PCDHGA7: variants seen among roughly 807,000 people sequenced by gnomAD.
PCDHGA7 encodes the protein protocadherin gamma-A7.
In PCDHGA7, 44 loss-of-function variants were observed where a neutral mutation model predicts 58.3. The ratio of observed to expected loss-of-function variants is 0.75; its 90% CI spans 0.59 to 0.97. The LOEUF is 0.97. Ranked by LOEUF, PCDHGA7 falls within the 50% of genes least tolerant of loss-of-function variation. The pLI, the probability that PCDHGA7 is intolerant of heterozygous loss-of-function variation, is 0.00. For synonymous variants in PCDHGA7, 516 were observed against 504.2 expected (o/e 1.02, Z -0.31); for missense variants, 1,266 against 1,188.7 (o/e 1.06, Z -0.96).
chr5:141,494,639 C>T, intron 1 of PCDHGA7, 168 bp from the exon 2 acceptor site: 1 of 901,070 alleles, frequency 1.1e-6, no homozygotes, highest in Non-Finnish European at 1.3e-6. Flanking sequence ...ACCTCTGAGA[C>T]CTGAGGTGTA....
rs1184232947 is a variant in PCDHGA7 at position 141,487,060 on chromosome 5, G to T, written c.2425-7747G>T. ...TCTCTCGATATGCTGGGGAGGTGCG[G>T]ACGGCTGTTCCTATCCCAGCTGACC... On this transcript the variant is annotated intron_variant, in intron 1 of 3. Transcript: ENST00000518325. This position sits in a 1 kb window ranked among gnomAD's most constrained non-coding sequence, Gnocchi z 5.0. The T allele has an allele frequency of 1.9e-6, 3 of 1,614,182 alleles. No individual in the cohort carries two copies. In the East Asian group the frequency reaches 6.7e-5, roughly 36 times the overall value.
chr5:141,478,164 C>A (rs202185809), intron 1 of PCDHGA7: 2 of 1,614,010 alleles, frequency 1.2e-6, no homozygotes, highest in African/African-American at 1.3e-5. Context: ...GGCTCTGCCC[C>A]CCGGGAGCAG....
intron 1 of PCDHGA7, among the ~76,000 whole-genome samples, chr5:141,460,646 C>T (rs1001365023): frequency 2.0e-5 from 3 of 151,954 alleles, no homozygotes; most frequent in African/African-American, 7.3e-5. Context: ...ACTGTGTTTA[C>T]ACATATGTAA....
chr5:141,432,288 A>C lies in PCDHGA7; in HGVS notation c.2424+46965A>C. ...TCGTCCTACGTGTCCATCAACTCCG[A>C]CACTGGGGTACTGTATGCGCTGAGC... On this transcript the variant is annotated intron_variant, in intron 1 of 3. Coordinates refer to ENST00000518325, the MANE Select transcript of PCDHGA7 (RefSeq NM_018920.4). This position sits in a 1 kb window ranked among gnomAD's most constrained non-coding sequence, Gnocchi z 6.0. 1 of 1,614,192 alleles carries C rather than the reference A, an allele frequency of 6.2e-7. No individual in the cohort carries two copies. Among genetic ancestry groups the C allele is most frequent in the Non-Finnish European group, 8.5e-7 (1 of 1,180,018 alleles).
chr5:141,432,126 C>T lies in PCDHGA7; in HGVS notation c.2424+46803C>T. ...AACCCGCCGGTCTTCCCTCAGGCCTCCTATTCCGCTTATATCCCAGAGAAC... is the reference window on the plus strand; with the variant it reads ...AACCCGCCGGTCTTCCCTCAGGCCTTCTATTCCGCTTATATCCCAGAGAAC... On this transcript the variant is annotated intron_variant, in intron 1 of 3. Coordinates refer to ENST00000518325, the MANE Select transcript of PCDHGA7 (RefSeq NM_018920.4). This position sits in a 1 kb window ranked among gnomAD's most constrained non-coding sequence, Gnocchi z 6.0. The T allele has an allele frequency of 1.2e-6, 2 of 1,614,144 alleles. No homozygotes were observed. Among genetic ancestry groups the T allele is most frequent in the Non-Finnish European group, 1.7e-6 (2 of 1,180,028 alleles).
At chr5:141,440,912 G>A (rs1281398967) in intron 1 of PCDHGA7, 1 of 152,254 alleles carries the variant, frequency 6.6e-6, no homozygotes, top group African/African-American at 2.4e-5. Context: ...GGGCACTCCT[G>A]TGCTGAGAGT....
chr5:141,419,121 C>T, intron 1 of PCDHGA7: 5 of 1,613,882 alleles, frequency 3.1e-6, no homozygotes, highest in Non-Finnish European at 3.4e-6. Flanking sequence ...TACAACGTCA[C>T]CATCGCAGCC....
At chr5:141,394,259 G>T (rs1367261725) in intron 1 of PCDHGA7, 3 of 1,613,936 alleles carry the variant, frequency 1.9e-6, no homozygotes, top group African/African-American at 2.7e-5. Context: ...CCGACAGCCA[G>T]GAGAATGCCC....
At chr5:141,415,176 C>G (rs773987499) in intron 1 of PCDHGA7, 17 of 1,613,816 alleles carry the variant, frequency 1.1e-5, no homozygotes, top group Non-Finnish European at 5.1e-6. Flanking sequence ...TCACCGTGGC[C>G]GTGGCCGACA....
chr5:141,396,695 T>G (rs920549434), intron 1 of PCDHGA7: 1 of 152,226 alleles, frequency 6.6e-6, no homozygotes, highest in Non-Finnish European at 1.5e-5. Context: ...CATACCTTCT[T>G]GTAGCATTTG....
Position 141,476,657 on chromosome 5 carries a change from G to A in PCDHGA7, c.2425-18150G>A, listed in dbSNP as rs759887729. On this transcript the variant is annotated intron_variant, in intron 1 of 3. Coordinates refer to ENST00000518325, the MANE Select transcript of PCDHGA7 (RefSeq NM_018920.4). This position sits in a 1 kb window ranked among gnomAD's most constrained non-coding sequence, Gnocchi z 7.6. ...TGAGCTGAGCCGAAATGAATACTTTGCGCTTCGCGTGCAGACGCGGGAGGA... is the reference window on the plus strand; with the variant it reads ...TGAGCTGAGCCGAAATGAATACTTTACGCTTCGCGTGCAGACGCGGGAGGA... 1.9e-6 allele frequency: 3 copies of A among 1,614,140 alleles called. No homozygotes were observed. Among genetic ancestry groups the A allele is most frequent in the Non-Finnish European group, 2.5e-6 (3 of 1,180,060 alleles).
rs537985555 is a variant in PCDHGA7 at position 141,449,278 on chromosome 5, C to A, written c.2425-45529C>A. On this transcript the variant is annotated intron_variant, in intron 1 of 3. Coordinates refer to ENST00000518325, the MANE Select transcript of PCDHGA7 (RefSeq NM_018920.4). ...TGTACAAAGAACTGTATCTCCTTCA[C>A]CCGGATGCACCGGGTGAATTATATG... Among the ~76,000 whole-genome samples the A allele has an allele frequency of 4.6e-5, 7 of 152,166 alleles. No homozygotes were observed. In the South Asian group the frequency reaches 1.5e-3, roughly 32 times the overall value.
rs1246270441 is a variant in PCDHGA7 at position 141,383,401 on chromosome 5, CAG to C, written c.505_506del (p.Ser169LeufsTer19). On this transcript the variant is annotated frameshift_variant, in exon 1 of 4. Coordinates refer to ENST00000518325, the MANE Select transcript of PCDHGA7 (RefSeq NM_018920.4). LOFTEE classifies it high-confidence loss of function. ...TCCAGATGTGGGCACGAACTCCCTC[CAG>C]AGTTACCAGCTCAGCCCCAATCGCC... Reference protein sequence around the residue: ...GDPDVGTNSLQSYQLSPNRHF... With the variant: ...GDPDVGTNSLXSYQLSPNRHF... The C allele has an allele frequency of 6.2e-7, 1 of 1,614,016 alleles. No homozygotes were observed.
At chr5:141,410,394 T>C in intron 1 of PCDHGA7, 1 of 1,614,054 alleles carries the variant, frequency 6.2e-7, no homozygotes, top group Non-Finnish European at 8.5e-7. Context: ...CATCCTGGTC[T>C]CTGTGTCAAG....
intron 1 of PCDHGA7, chr5:141,408,105 G>T (rs566753835): frequency 2.6e-5 from 37 of 1,439,788 alleles, no homozygotes; most frequent in Non-Finnish European, 3.2e-5. Flanking sequence ...TCCGAGACCC[G>T]GGACTCCTCC....
At chr5:141,422,997 C>T (rs114907564) in intron 1 of PCDHGA7, 28,679 of 1,614,218 alleles carry the variant, frequency 0.018, 311 homozygotes, top group Non-Finnish European at 0.021. Context: ...ACCTGGTGAC[C>T]AAGGTGGTTG....
At chr5:141,403,699 T>G (rs780425739) in intron 1 of PCDHGA7, 6 of 1,613,934 alleles carry the variant, frequency 3.7e-6, no homozygotes, top group East Asian at 2.2e-5. Context: ...TTTACCGAGT[T>G]AAAGTCCTTG....
rs2099748179 is a variant in PCDHGA7 at position 141,493,421 on chromosome 5, T to G, written c.2425-1386T>G. Among the ~76,000 whole-genome samples the G allele has an allele frequency of 6.6e-6, 1 of 152,182 alleles. No individual in the cohort carries two copies. Among genetic ancestry groups the G allele is most frequent in the South Asian group, 2.1e-4 (1 of 4,830 alleles). On this transcript the variant is annotated intron_variant, in intron 1 of 3. Coordinates refer to ENST00000518325, the MANE Select transcript of PCDHGA7 (RefSeq NM_018920.4). The surrounding 1 kb of genome is among the most constrained non-coding windows in gnomAD (Gnocchi z 4.3). Reference sequence around the variant, plus strand: ...GGAGTTGCCTCTGCTGGGATTTTGCTTCTGCTGGGATGGGGCAAGGGTGGG... The same window carrying G: ...GGAGTTGCCTCTGCTGGGATTTTGCGTCTGCTGGGATGGGGCAAGGGTGGG...
chr5:141,402,879 C>T, intron 1 of PCDHGA7: 1 of 1,471,232 alleles, frequency 6.8e-7, no homozygotes, highest in Non-Finnish European at 9.0e-7. Flanking sequence ...CCATACTTTG[C>T]AGGGTGGAAG....
Sources: gnomAD v4.1 joint callset for allele counts (sites outside exome capture counted in the v4.1 genomes callset) on GRCh38, gnomAD v4.1.1 for gene constraint, Gnocchi (gnomAD v3.1) non-coding constraint, MANE v1.5 for transcripts, NCBI Gene and HGNC (gene_info 2026-07-23, HGNC 2026-07-21) for gene names.